GLP1R: variants seen among roughly 807,000 people sequenced by gnomAD.
GLP1R encodes glucagon-like peptide 1 receptor.
Under a neutral mutation model 68.4 loss-of-function variants are expected in GLP1R, and 32 were observed. The observed-to-expected ratio is 0.47, with a 90% CI of 0.35 to 0.63. The LOEUF (loss-of-function observed/expected upper bound fraction) is 0.63. Among genes scored for constraint, GLP1R ranks in the 20% least tolerant of loss-of-function variants. GLP1R has a pLI of 0.00. For synonymous variants in GLP1R, 263 were observed against 244.4 expected, an observed-to-expected ratio of 1.08 and a Z score of -0.71; for missense variants, 502 against 594.9, an observed-to-expected ratio of 0.84 and a Z score of 1.62.
intron 12 of GLP1R, among the ~76,000 whole-genome samples, chr6:39,083,383 G>T (rs1249825231): frequency 6.6e-6 from 1 of 152,236 alleles, no homozygotes; most frequent in East Asian, 1.9e-4. Flanking sequence ...GAGCTGTTCT[G>T]CAGACCCAGG....
chr6:39,066,824 G>C (rs10305466), intron 5 of GLP1R, among the ~76,000 whole-genome samples: 5,343 of 152,140 alleles, frequency 0.035, 325 homozygotes, highest in African/African-American at 0.12. Context: ...CTTGGAGAAG[G>C]GGGGCCAGGG....
chr6:39,050,319 G>A (rs1388208637), intron 1 of GLP1R, among the ~76,000 whole-genome samples: 1 of 152,160 alleles, frequency 6.6e-6, no homozygotes, highest in African/African-American at 2.4e-5. Flanking sequence ...TTGGGATAGG[G>A]GTGGAGGCTC....
At chr6:39,063,800 T>G (rs1768416899) in intron 3 of GLP1R, among the ~76,000 whole-genome samples, 1 of 151,930 alleles carries the variant, frequency 6.6e-6, no homozygotes, top group South Asian at 2.1e-4. Flanking sequence ...TGCCACATTT[T>G]TTGCTAGGGT....
rs560487784 is a variant in GLP1R, at chr6:39,066,529, A to G, written c.509+226A>G. On this transcript the variant is annotated intron_variant, in intron 5 of 12. Transcript: ENST00000373256. ...TGTAAAAGTGTGCGTATGTACTGCA[A>G]AAAAGAACAAAAATACCACGCAAGC... Among the ~76,000 whole-genome samples, 13 of 152,334 alleles carry G rather than the reference A, an allele frequency of 8.5e-5. No homozygotes were observed. In the South Asian group the frequency reaches 2.7e-3, roughly 32 times the overall value.
chr6:39,083,138 C>A (rs1045915070), intron 12 of GLP1R, among the ~76,000 whole-genome samples: 1 of 152,160 alleles, frequency 6.6e-6, no homozygotes, highest in African/African-American at 2.4e-5. Context: ...CCAGGCCTGG[C>A]TACAGACCCC....
In GLP1R at chr6:39,088,102, G is replaced by A. The variant is rs1389474457; in HGVS notation, c.*2029G>A. Among the ~76,000 whole-genome samples, 1 of 152,096 alleles carries A rather than the reference G, an allele frequency of 6.6e-6. No individual in the cohort carries two copies. The highest frequency in any genetic ancestry group is 1.9e-4 in the East Asian group (1 of 5,190). ...GAAGAAGTTGCTTAGTTAGGCACCT[G>A]GGAAGCTCAAATCATTTAGTTTAAA... On this transcript the variant is annotated 3_prime_UTR_variant, in exon 13 of 13. Transcript: ENST00000373256.
In GLP1R at chr6:39,079,271, G is replaced by T; in HGVS notation, c.1043+71G>T. The T allele has an allele frequency of 8.9e-7, 1 of 1,124,042 alleles. No homozygotes were observed. Among genetic ancestry groups the T allele is most frequent in the Non-Finnish European group, 1.4e-6 (1 of 734,076 alleles). 69.6% of individuals were successfully genotyped at this position (1,124,042 alleles called of 1,614,324 possible). ...CCTTTCCTTCTAGCAGAGAGAGAGA[G>T]AGAGATCCTGGGATGCTTAGCTTAG... On this transcript the variant is annotated intron_variant, in intron 10 of 12. Transcript: ENST00000373256. This position sits in a 1 kb window ranked among gnomAD's most constrained non-coding sequence, Gnocchi z 4.5.
At position 39,086,736 on chromosome 6, in the gene GLP1R, T is replaced by C. The variant is rs1379505438; in HGVS notation, c.*663T>C. 5 of 152,700 alleles carry C rather than the reference T, an allele frequency of 3.3e-5. No individual in the cohort carries two copies. Among genetic ancestry groups the C allele is most frequent in the African/African-American group, 1.2e-4 (5 of 41,454 alleles). The allele number at this position is 152,700 out of a possible 1,614,324, so 9.5% of individuals were successfully genotyped here. On this transcript the variant is annotated 3_prime_UTR_variant, in exon 13 of 13. Coordinates refer to ENST00000373256, the MANE Select transcript of GLP1R (RefSeq NM_002062.5). The surrounding 1 kb of genome is among the most constrained non-coding windows in gnomAD (Gnocchi z 4.5). ...AGGTGGTGTTGAGAAAGAATGAGCA[T>C]TGAGACGGTGCTCGCTTCTCCTCCA...
At chr6:39,064,675 A>T (rs780992401) in intron 3 of GLP1R, among the ~76,000 whole-genome samples, 1 of 151,952 alleles carries the variant, frequency 6.6e-6, no homozygotes, top group African/African-American at 2.4e-5. Context: ...CTCACATCAA[A>T]CCTGAGGCCA....
chr6:39,070,342 G>A (rs570634321), intron 5 of GLP1R, among the ~76,000 whole-genome samples: 42 of 152,282 alleles, frequency 2.8e-4, no homozygotes, highest in Non-Finnish European at 3.5e-4. Context: ...TCCATATTCC[G>A]TTGTATAATA....
Position 39,078,313 on chromosome 6 carries a change from C to G in GLP1R, c.824-9C>G, listed in dbSNP as rs1002651914. 2.5e-6 allele frequency: 4 copies of G among 1,607,834 alleles called. No homozygotes were observed. The highest frequency in any genetic ancestry group is 3.4e-6 in the Non-Finnish European group (4 of 1,174,446). ...CCCCTCTCCCCTTCTGTCTTTCCCT[C>G]TCTCTTAGGTGTTCCCCTGCTGTTT... is the stretch of plus-strand genomic sequence containing the variant. On this transcript the variant is annotated splice_polypyrimidine_tract_variant and intron_variant, in intron 7 of 12. Coordinates refer to ENST00000373256, the MANE Select transcript of GLP1R (RefSeq NM_002062.5).
In GLP1R at chr6:39,085,931, G is replaced by T. The variant is rs751693672; in HGVS notation, c.1250G>T (p.Trp417Leu). Reference protein sequence around the residue: ...NEVQLEFRKSWERWRLEHLHI... With the variant: ...NEVQLEFRKSLERWRLEHLHI... ...GTCCAGCTGGAATTTCGGAAGAGCT[G>T]GGAGCGCTGGCGGCTTGAGCACTTG... The change falls in exon 13 of 13, where the codon TGG becomes TTG. Residue 417 changes from tryptophan (W) to leucine (L), a missense_variant. Transcript: ENST00000373256. The T allele has an allele frequency of 4.3e-6, 7 of 1,613,740 alleles. No individual in the cohort carries two copies. In the East Asian group the frequency reaches 1.6e-4, roughly 36 times the overall value.
At chr6:39,052,238 A>G (rs1196716778) in intron 1 of GLP1R, among the ~76,000 whole-genome samples, 2 of 152,066 alleles carry the variant, frequency 1.3e-5, no homozygotes, top group Admixed American at 1.3e-4. Context: ...GGGAAAAAAA[A>G]TGGATTGTAA....
In GLP1R at chr6:39,066,224, C is replaced by T; in HGVS notation, c.430C>T (p.Leu144Phe). 6 of 1,611,258 alleles carry T rather than the reference C, an allele frequency of 3.7e-6. No individual in the cohort carries two copies. Among genetic ancestry groups the T allele is most frequent in the Non-Finnish European group, 5.1e-6 (6 of 1,177,638 alleles). The part of the protein sequence containing the change: ...RSSPEEQLLF[L>F]YIIYTVGYAL... The stretch of plus-strand genomic sequence containing the variant: ...CTCCCCGGAGGAGCAGCTCCTGTTC[C>T]TCTACATCATCTACACGGTGGGCTA... Residue 144 changes from leucine to phenylalanine, a missense_variant, in exon 5 of 13, where the codon CTC (leucine) becomes TTC (phenylalanine). Transcript: ENST00000373256.
At chr6:39,073,123 C>A in intron 6 of GLP1R, 108 bp downstream of exon 6, 1 of 1,069,850 alleles carries the variant, frequency 9.3e-7, no homozygotes, top group South Asian at 1.5e-5. Context: ...GCCGAACAGT[C>A]CTGGCCCTTC....
At chr6:39,080,903 C>G (rs1056083975) in intron 12 of GLP1R, among the ~76,000 whole-genome samples, 164 bp downstream of exon 12, 2 of 152,116 alleles carry the variant, frequency 1.3e-5, no homozygotes, top group Non-Finnish European at 2.9e-5. Flanking sequence ...ATTTGGTTTT[C>G]TGTGCATGGT....
chr6:39,055,918 G>C (rs190755420), intron 1 of GLP1R, among the ~76,000 whole-genome samples: 1 of 152,088 alleles, frequency 6.6e-6, no homozygotes, highest in African/African-American at 2.4e-5. Context: ...TTCCTGGGGG[G>C]GCTGTGCACC....
At position 39,079,249 on chromosome 6, in the gene GLP1R, T is replaced by C; in HGVS notation, c.1043+49T>C. 1 of 1,272,908 alleles carries C rather than the reference T, an allele frequency of 7.9e-7. No individual in the cohort carries two copies. Among genetic ancestry groups the C allele is most frequent in the South Asian group, 1.2e-5 (1 of 84,306 alleles). 78.9% of individuals were successfully genotyped at this position (1,272,908 alleles called of 1,614,324 possible). ...CTGAGGACCCTCAGCAAGTGCCCCT[T>C]TCCTTCTAGCAGAGAGAGAGAGAGA... is the stretch of plus-strand genomic sequence containing the variant. On this transcript the variant is annotated intron_variant, in intron 10 of 12. Coordinates refer to ENST00000373256, the MANE Select transcript of GLP1R (RefSeq NM_002062.5). This position sits in a 1 kb window ranked among gnomAD's most constrained non-coding sequence, Gnocchi z 4.5.
chr6:39,091,203 A>G lies in GLP1R; in HGVS notation c.*5130A>G, dbSNP rs369963723. On this transcript the variant is annotated 3_prime_UTR_variant, in exon 13 of 13. Coordinates refer to ENST00000373256, the MANE Select transcript of GLP1R (RefSeq NM_002062.5). ...CAAAATAGGACCAGCTTCTATAGGTAGCGAATGTGTAGGTCATATAATTCC... is the reference window on the plus strand; with the variant it reads ...CAAAATAGGACCAGCTTCTATAGGTGGCGAATGTGTAGGTCATATAATTCC... 2.4e-4 allele frequency among the ~76,000 whole-genome samples: 36 copies of G among 152,338 alleles called. No homozygotes were observed. Among genetic ancestry groups the G allele is most frequent in the African/African-American group, 8.2e-4 (34 of 41,570 alleles).
Sources: gnomAD v4.1 joint callset for allele counts (sites outside exome capture counted in the v4.1 genomes callset) on GRCh38, gnomAD v4.1.1 for gene constraint, Gnocchi (gnomAD v3.1) non-coding constraint, MANE v1.5 for transcripts, NCBI Gene and HGNC (gene_info 2026-07-23, HGNC 2026-07-21) for gene names.